Variants in CDH23 observed in about 807,000 individuals in gnomAD.
CDH23 encodes the protein cadherin-23.
A neutral mutation model predicts 317.1 loss-of-function variants in CDH23; 189 were observed. That is an observed-to-expected ratio of 0.60 (90% confidence interval 0.53 to 0.67). The LOEUF (loss-of-function observed/expected upper bound fraction) is 0.67, where lower values mean the gene tolerates loss of function less well. CDH23 is among the 30% of genes least tolerant of loss of function. The probability of loss-of-function intolerance (pLI) is 0.00; values close to 1 mark genes in which losing one functional copy is unlikely to be tolerated. For synonymous variants in CDH23, 1,839 were observed against 1,876.8 expected, an observed-to-expected ratio of 0.98 and a Z score of 0.52; for missense variants, 4,401 against 4,592.4, an observed-to-expected ratio of 0.96 and a Z score of 1.20.
chr10:71,510,887 TA>T, intron 4 of CDH23, 66 bp from the exon 5 acceptor site: 1 of 1,535,824 alleles, frequency 6.5e-7, no homozygotes. Context: ...CCGCCCCATT[TA>T]GGGCCCAGGA....
chr10:71,753,689 CCCTCTTTCATGCAGCA>C, intron 38 of CDH23: 1 of 448,510 alleles, frequency 2.2e-6, no homozygotes, highest in South Asian at 1.6e-5. Flanking sequence ...ACCCCAACTT[CCCTCTTTCATGCAGCA>C]CCCCATGTCC....
In CDH23 at chr10:71,611,211, G is replaced by A. The variant is rs558475249; in HGVS notation, c.833-4293G>A. 1.5e-4 allele frequency among the ~76,000 whole-genome samples: 23 copies of A among 152,362 alleles called. No individual in the cohort carries two copies. The South Asian group carries it at 4.8e-3, about 32-fold the overall frequency. ...CGCCTGTGGAGGGGAGGACGTGGAA[G>A]TGAGGGAAGAAGTGAAGGGAGCGAG... On this transcript the variant is annotated intron_variant, in intron 9 of 69. Coordinates refer to ENST00000224721, the MANE Select transcript of CDH23 (RefSeq NM_022124.6).
chr10:71,446,267 G>A (rs543947136), intron 2 of CDH23, 51 bp from the exon 3 acceptor site: 10 of 1,553,948 alleles, frequency 6.4e-6, no homozygotes, highest in Middle Eastern at 3.4e-4. Context: ...TATAGAGTGT[G>A]TAAAGCTGAT....
chr10:71,777,586 C>T (rs1840843777), intron 38 of CDH23, 94 bp from the exon 39 acceptor site: 1 of 1,076,766 alleles, frequency 9.3e-7, no homozygotes, highest in Non-Finnish European at 1.4e-6. Context: ...GTTTGAGTCA[C>T]ATGGAGTGAG....
intron 6 of CDH23, among the ~76,000 whole-genome samples, chr10:71,523,567 G>C (rs546053513): frequency 1.1e-4 from 17 of 152,312 alleles, no homozygotes; most frequent in African/African-American, 3.6e-4. Flanking sequence ...AGCCACACTC[G>C]GGAGGCACGG....
At chr10:71,448,357 C>G (rs1850272783) in intron 3 of CDH23, among the ~76,000 whole-genome samples, 1 of 152,236 alleles carries the variant, frequency 6.6e-6, no homozygotes, top group Non-Finnish European at 1.5e-5. Flanking sequence ...GGAAGCAGCT[C>G]CCAGGCCTCG....
At chr10:71,534,411 C>A (rs143263540) in intron 6 of CDH23, among the ~76,000 whole-genome samples, 3 of 152,292 alleles carry the variant, frequency 2.0e-5, no homozygotes, top group Non-Finnish European at 2.9e-5. Context: ...AACTTCCCAT[C>A]GCTGCGGAAT....
intron 38 of CDH23, among the ~76,000 whole-genome samples, chr10:71,753,369 T>C (rs1475549567): frequency 6.6e-6 from 1 of 152,272 alleles, no homozygotes; most frequent in Non-Finnish European, 1.5e-5. Context: ...AGGTCAACTC[T>C]TGAATTTGCT....
rs1842068573 is a variant in CDH23 at position 71,814,724 on chromosome 10, A to T, written c.9739-228A>T. Among the ~76,000 whole-genome samples the T allele has an allele frequency of 2.0e-5, 3 of 151,796 alleles. No homozygotes were observed. The South Asian group carries it at 6.3e-4, about 32-fold the overall frequency. ...TCACAAGAAGCCGATACACACACAC[A>T]CACACACACACAGATTTTCACAAGA... On this transcript the variant is annotated intron_variant, in intron 69 of 69. Coordinates refer to ENST00000224721, the MANE Select transcript of CDH23 (RefSeq NM_022124.6).
intron 3 of CDH23, among the ~76,000 whole-genome samples, chr10:71,508,836 A>G (rs994392754): frequency 3.9e-5 from 6 of 152,216 alleles, no homozygotes; most frequent in Admixed American, 3.3e-4. Flanking sequence ...CACATTTTGT[A>G]TACAGTTCTA....
chr10:71,797,184 A>G lies in CDH23; in HGVS notation c.6793A>G (p.Ser2265Gly). Reference sequence around the variant, plus strand: ...CACTCTCTCAGTGATTGACAATGCCAGCGACCTACCAGAGCGCTCTGTCAG... The same window carrying G: ...CACTCTCTCAGTGATTGACAATGCCGGCGACCTACCAGAGCGCTCTGTCAG... ...EVTLSVIDNA[S>G]DLPERSVSVP... The change falls in exon 49 of 70, where the codon AGC (serine) becomes GGC (glycine). Residue 2265 changes from serine to glycine, a missense_variant. Around this residue, in one of 3 missense-constraint regions of CDH23, gnomAD observed 3,068 missense variants for 3,203.3 expected, o/e 0.96. Coordinates refer to ENST00000224721, the MANE Select transcript of CDH23 (RefSeq NM_022124.6). 1 of 1,613,506 alleles carries G rather than the reference A, an allele frequency of 6.2e-7. No homozygotes were observed. Among genetic ancestry groups the G allele is most frequent in the Non-Finnish European group, 8.5e-7 (1 of 1,179,660 alleles).
chr10:71,427,674 G>A (rs1849166281), intron 1 of CDH23, among the ~76,000 whole-genome samples: 1 of 150,750 alleles, frequency 6.6e-6, no homozygotes, highest in Admixed American at 6.6e-5. Flanking sequence ...TATATTCTCA[G>A]AAGTGGAATT....
At chr10:71,415,026 A>G (rs1408697268) in intron 1 of CDH23, among the ~76,000 whole-genome samples, 2 of 152,178 alleles carry the variant, frequency 1.3e-5, no homozygotes, top group Non-Finnish European at 2.9e-5. Context: ...ATGCATTTTT[A>G]TACTCTCTAT....
intron 1 of CDH23, among the ~76,000 whole-genome samples, chr10:71,421,216 G>C (rs376097903): frequency 6.6e-6 from 1 of 152,182 alleles, no homozygotes; most frequent in Non-Finnish European, 1.5e-5. Flanking sequence ...GGTAATGCCC[G>C]GTCAGACAGC....
intron 47 of CDH23, among the ~76,000 whole-genome samples, chr10:71,792,427 G>T (rs1841275774): frequency 1.3e-5 from 2 of 152,064 alleles, no homozygotes; most frequent in Admixed American, 1.3e-4. Flanking sequence ...TAAAAGAAAA[G>T]AACTTAAGAG....
chr10:71,520,169 C>T (rs557422403), intron 6 of CDH23, among the ~76,000 whole-genome samples: 4 of 152,290 alleles, frequency 2.6e-5, no homozygotes, highest in Admixed American at 6.5e-5. Context: ...CCTGGAAGTC[C>T]GAGGAGCTCG....
At chr10:71,669,817 C>T (rs1347248035) in intron 14 of CDH23, among the ~76,000 whole-genome samples, 1 of 152,124 alleles carries the variant, frequency 6.6e-6, no homozygotes, top group Non-Finnish European at 1.5e-5. Flanking sequence ...TTGGGCACAG[C>T]AGCCAGCACA....
intron 14 of CDH23, among the ~76,000 whole-genome samples, chr10:71,654,847 G>A (rs781436928): frequency 1.1e-4 from 17 of 152,268 alleles, no homozygotes; most frequent in East Asian, 1.9e-4. Flanking sequence ...GCTGCGTGGC[G>A]TTTTTCAACC....
chr10:71,735,643 C>T (rs189390666), intron 34 of CDH23, among the ~76,000 whole-genome samples: 1 of 152,340 alleles, frequency 6.6e-6, no homozygotes, highest in East Asian at 1.9e-4. Flanking sequence ...GTCACATTAA[C>T]CTAAAAAAGC....
Sources: allele counts gnomAD v4.1 joint callset (sites outside exome capture counted in the v4.1 genomes callset), GRCh38; gene constraint gnomAD v4.1.1; regional missense constraint gnomAD v4.1.1; transcripts MANE v1.5; gene names NCBI Gene and HGNC (gene_info 2026-07-23, HGNC 2026-07-21).